The following SLC17A5 variants were observed in gnomAD, a reference collection of about 807,000 sequenced individuals.
SLC17A5 encodes the protein solute carrier family 17 member 5, also known as sialin.
In SLC17A5, 47 loss-of-function variants were observed where a neutral mutation model predicts 59.4. The ratio of observed to expected loss-of-function variants is 0.79; its 90% CI spans 0.63 to 1.01. The LOEUF (loss-of-function observed/expected upper bound fraction) is 1.01. Among genes scored for constraint, SLC17A5 ranks in the 50% least tolerant of loss-of-function variants. The pLI is 0.00. For missense variants in SLC17A5, 522 were observed against 595.5 expected, an observed-to-expected ratio of 0.88 and a Z score of 1.28; for synonymous variants, 202 against 210.7, an observed-to-expected ratio of 0.96 and a Z score of 0.36.
At chr6:73,614,934 C>T (rs1767788560) in intron 8 of SLC17A5, among the ~76,000 whole-genome samples, 1 of 152,120 alleles carries the variant, frequency 6.6e-6, no homozygotes, top group African/African-American at 2.4e-5. Context: ...TTAACTGAAC[C>T]TGACAAGACA....
chr6:73,602,011 G>A (rs960008301), intron 9 of SLC17A5, among the ~76,000 whole-genome samples: 1 of 152,056 alleles, frequency 6.6e-6, no homozygotes, highest in Non-Finnish European at 1.5e-5. Context: ...GGAAAGGTGG[G>A]GAAAAGATTG....
intron 2 of SLC17A5, among the ~76,000 whole-genome samples, chr6:73,644,033 C>T (rs1769423973): frequency 6.6e-6 from 1 of 152,092 alleles, no homozygotes; most frequent in African/African-American, 2.4e-5. Flanking sequence ...CCTAAACTCT[C>T]TTGCAGCTGT....
chr6:73,633,515 A>C (rs1273479988), intron 6 of SLC17A5, among the ~76,000 whole-genome samples: 1 of 151,938 alleles, frequency 6.6e-6, no homozygotes, highest in Non-Finnish European at 1.5e-5. Context: ...TACAGGCGTA[A>C]ATCACCATGC....
At chr6:73,631,132 T>C (rs1768688349) in intron 6 of SLC17A5, among the ~76,000 whole-genome samples, 2 of 151,294 alleles carry the variant, frequency 1.3e-5, no homozygotes, top group African/African-American at 2.5e-5. Flanking sequence ...GGCCTGGGGT[T>C]GTCCTGTTGA....
chr6:73,651,782 A>G (rs1002911916), intron 1 of SLC17A5, among the ~76,000 whole-genome samples: 1 of 151,932 alleles, frequency 6.6e-6, no homozygotes, highest in Admixed American at 6.6e-5. Context: ...CGGTCTGCTG[A>G]CCTCAGGTGA....
chr6:73,604,252 T>C (rs1482324309), intron 9 of SLC17A5, among the ~76,000 whole-genome samples: 2 of 152,134 alleles, frequency 1.3e-5, no homozygotes, highest in East Asian at 3.8e-4. Flanking sequence ...AAATTCTAAA[T>C]GTCAGCAACA....
At chr6:73,633,855 G>A (rs1416275746) in intron 6 of SLC17A5, among the ~76,000 whole-genome samples, 2 of 151,554 alleles carry the variant, frequency 1.3e-5, no homozygotes, top group Non-Finnish European at 2.9e-5. Context: ...ACTCCAGCCT[G>A]GGTGAGAGAG....
intron 6 of SLC17A5, among the ~76,000 whole-genome samples, chr6:73,623,812 C>T (rs1581973102): frequency 6.6e-6 from 1 of 151,866 alleles, no homozygotes; most frequent in East Asian, 1.9e-4. Context: ...ATTCTCCTGC[C>T]TCAGCCTCCT....
intron 7 of SLC17A5, among the ~76,000 whole-genome samples, chr6:73,615,898 T>G (rs1260877192): frequency 1.4e-5 from 2 of 146,662 alleles, no homozygotes; most frequent in African/African-American, 5.0e-5. Context: ...TTTTTTTTTT[T>G]TTTTTGAGAT....
chr6:73,607,765 G>A (rs1252703153), intron 9 of SLC17A5, among the ~76,000 whole-genome samples: 2 of 145,552 alleles, frequency 1.4e-5, no homozygotes, highest in Non-Finnish European at 3.0e-5. Flanking sequence ...CCAATTTTAT[G>A]TTCCTTATAA....
At chr6:73,637,689 C>G (rs2150114508) in intron 4 of SLC17A5, among the ~76,000 whole-genome samples, 1 of 152,178 alleles carries the variant, frequency 6.6e-6, no homozygotes, top group South Asian at 2.1e-4. Flanking sequence ...ACATGCTGTT[C>G]TGATTGGCTG....
At position 73,608,071 on chromosome 6, in the gene SLC17A5, C is replaced by T. The variant is rs538687686; in HGVS notation, c.1259+2329G>A. ...GGATTACAGGCGTGAACTACCGTGC[C>T]CGGCTCAAAATGACTCATGTTTATT... is the stretch of plus-strand genomic sequence containing the variant. On this transcript the variant is annotated intron_variant, in intron 9 of 10. Transcript: ENST00000355773. Among the ~76,000 whole-genome samples the T allele has an allele frequency of 2.6e-4, 40 of 152,184 alleles. 2 individuals carry two copies. In the South Asian group the frequency reaches 8.1e-3, roughly 31 times the overall value.
chr6:73,607,203 C>T (rs567373626), intron 9 of SLC17A5, among the ~76,000 whole-genome samples: 34 of 152,200 alleles, frequency 2.2e-4, no homozygotes, highest in South Asian at 1.0e-3. Flanking sequence ...ATCTTCACAA[C>T]GATCTTATAA....
intron 9 of SLC17A5, among the ~76,000 whole-genome samples, chr6:73,605,228 A>G (rs1200116119): frequency 6.6e-6 from 1 of 152,190 alleles, no homozygotes; most frequent in Non-Finnish European, 1.5e-5. Flanking sequence ...TAATATTATA[A>G]TGTTATAATC....
chr6:73,601,280 T>G (rs1767068492), intron 9 of SLC17A5, among the ~76,000 whole-genome samples: 1 of 134,366 alleles, frequency 7.4e-6, no homozygotes, highest in South Asian at 2.3e-4. Flanking sequence ...CCGCCCCGTC[T>G]GAGAAGTGAG....
intron 1 of SLC17A5, chr6:73,653,399 C>A: frequency 3.0e-6 from 3 of 985,412 alleles, no homozygotes; most frequent in Non-Finnish European, 3.6e-6. Context: ...GACCTTAGCC[C>A]ATTCATTTGA....
intron 6 of SLC17A5, among the ~76,000 whole-genome samples, chr6:73,631,128 G>C (rs1768687962): frequency 6.6e-6 from 1 of 151,422 alleles, no homozygotes; most frequent in Admixed American, 6.6e-5. Context: ...TCTAGGCCTG[G>C]GGTTGTCCTG....
At chr6:73,643,560 T>G (rs1769396605) in intron 2 of SLC17A5, among the ~76,000 whole-genome samples, 1 of 152,118 alleles carries the variant, frequency 6.6e-6, no homozygotes, top group Admixed American at 6.5e-5. Context: ...CACTGCAAAC[T>G]CCACCTCCCA....
At chr6:73,651,863 T>C (rs1309122103) in intron 1 of SLC17A5, among the ~76,000 whole-genome samples, 1 of 152,160 alleles carries the variant, frequency 6.6e-6, no homozygotes, top group African/African-American at 2.4e-5. Context: ...ACTGTAGTTA[T>C]GTTAAAAAGA....
Sources: allele counts gnomAD v4.1 joint callset (sites outside exome capture counted in the v4.1 genomes callset), GRCh38; gene constraint gnomAD v4.1.1; transcripts MANE v1.5; gene names NCBI Gene and HGNC (gene_info 2026-07-23, HGNC 2026-07-21).